Variants in ZNF366 observed in about 807,000 individuals in gnomAD.
ZNF366 encodes the protein zinc finger protein 366, also known as dendritic cell-specific transcript protein.
Under a neutral mutation model 47.2 loss-of-function variants are expected in ZNF366, and 20 were observed. The ratio of observed to expected loss-of-function variants is 0.42; its 90% CI spans 0.30 to 0.62. The LOEUF is 0.62. ZNF366 is among the 20% of genes least tolerant of loss of function. The probability of loss-of-function intolerance (pLI) is 0.16; values close to 1 mark genes in which losing one functional copy is unlikely to be tolerated. For synonymous variants in ZNF366, 421 were observed against 395.1 expected, an observed-to-expected ratio of 1.07 and a Z score of -0.78; for missense variants, 987 against 976.3, an observed-to-expected ratio of 1.01 and a Z score of -0.15.
chr5:72,504,417 C>T (rs973066558), intron 1 of ZNF366, among the ~76,000 whole-genome samples: 1 of 152,142 alleles, frequency 6.6e-6, no homozygotes. Flanking sequence ...TCTCTTTGCA[C>T]GTTCATCTAA....
At chr5:72,496,599 G>C (rs1182344455) in intron 1 of ZNF366, among the ~76,000 whole-genome samples, 1 of 152,130 alleles carries the variant, frequency 6.6e-6, no homozygotes, top group Non-Finnish European at 1.5e-5. Context: ...AGTGAACATT[G>C]CGTGCAAGTC....
At position 72,444,214 on chromosome 5, in the gene ZNF366, G is replaced by A. The variant is rs560006283; in HGVS notation, c.1777C>T (p.Leu593Phe). Residue 593 changes from leucine to phenylalanine, a missense_variant, in exon 5 of 5, where the codon CTC becomes TTC. Physicochemically the swap from Leu to Phe is conservative, Grantham distance 22 (BLOSUM62 0). Coordinates refer to ENST00000318442, the MANE Select transcript of ZNF366 (RefSeq NM_152625.3). Reference sequence around the variant, plus strand: ...ACCTTGGCCCGGCGCTTCTGAGAGAGGTCAAAGGGCTCCTCCTGCTCCAGA... The same window carrying A: ...ACCTTGGCCCGGCGCTTCTGAGAGAAGTCAAAGGGCTCCTCCTGCTCCAGA... ...RSLEQEEPFD[L>F]SQKRRAKVPV... The A allele has an allele frequency of 3.3e-5, 53 of 1,613,492 alleles. 2 individuals are homozygous for A. The South Asian group carries it at 4.6e-4, about 14-fold the overall frequency.
intron 3 of ZNF366, among the ~76,000 whole-genome samples, chr5:72,450,020 C>T (rs115656978): frequency 6.6e-6 from 1 of 152,012 alleles, no homozygotes; most frequent in Non-Finnish European, 1.5e-5. Flanking sequence ...GCACTTGGCT[C>T]GCATGATGAG....
At chr5:72,483,419 G>A (rs1743827632) in intron 1 of ZNF366, among the ~76,000 whole-genome samples, 1 of 152,084 alleles carries the variant, frequency 6.6e-6, no homozygotes, top group South Asian at 2.1e-4. Flanking sequence ...GTGGGTCCCA[G>A]ATGCTGGCTT....
At chr5:72,453,285 A>C (rs1743112729) in intron 3 of ZNF366, among the ~76,000 whole-genome samples, 1 of 152,210 alleles carries the variant, frequency 6.6e-6, no homozygotes, top group Admixed American at 6.5e-5. Context: ...TTTTGGGTAA[A>C]GGAGAGAGAA....
intron 3 of ZNF366, among the ~76,000 whole-genome samples, chr5:72,455,758 C>A (rs768311628): frequency 1.3e-5 from 2 of 152,198 alleles, no homozygotes; most frequent in Non-Finnish European, 2.9e-5. Flanking sequence ...ATGCTCCATC[C>A]CTGTGCTACA....
intron 1 of ZNF366, among the ~76,000 whole-genome samples, chr5:72,465,830 T>C (rs2112332794): frequency 6.6e-6 from 1 of 152,324 alleles, no homozygotes; most frequent in South Asian, 2.1e-4. Context: ...AAGTCTAGGT[T>C]TGAATGTTGG....
At chr5:72,444,986 T>C (rs1294418714) in intron 4 of ZNF366, among the ~76,000 whole-genome samples, 3 of 152,210 alleles carry the variant, frequency 2.0e-5, no homozygotes, top group African/African-American at 7.2e-5. Flanking sequence ...ATAAAGCCAT[T>C]TTCATCTTGA....
chr5:72,491,051 T>C (rs1409928596), intron 1 of ZNF366, among the ~76,000 whole-genome samples: 1 of 151,730 alleles, frequency 6.6e-6, no homozygotes, highest in Non-Finnish European at 1.5e-5. Context: ...AGTCACTGGA[T>C]TTAATGGAGT....
In ZNF366 at chr5:72,460,164, C is replaced by A; in HGVS notation, c.1332+1G>T. On this transcript the variant is annotated splice_donor_variant, in intron 2 of 4. Transcript: ENST00000318442. LOFTEE classifies it high-confidence loss of function. ...CCGCCCCACCAGAGGCCCCGCAGTA[C>A]CTTGTGGGTGAGGGAGTGCTGCTTG... The A allele has an allele frequency of 6.2e-7, 1 of 1,613,636 alleles. No homozygotes were observed. Among genetic ancestry groups the A allele is most frequent in the Non-Finnish European group, 8.5e-7 (1 of 1,179,688 alleles).
chr5:72,482,574 T>A (rs1457712039), intron 1 of ZNF366, among the ~76,000 whole-genome samples: 1 of 152,182 alleles, frequency 6.6e-6, no homozygotes, highest in Non-Finnish European at 1.5e-5. Context: ...CAGATTATCA[T>A]CATGTTAATG....
At chr5:72,453,177 T>G (rs541274053) in intron 3 of ZNF366, among the ~76,000 whole-genome samples, 5 of 152,312 alleles carry the variant, frequency 3.3e-5, no homozygotes, top group Admixed American at 6.5e-5. Context: ...CAGTTCATAT[T>G]GAGACAGGAG....
rs765000106 is a variant in ZNF366 at position 72,461,188 on chromosome 5, C to A, written c.309G>T (p.Glu103Asp). 2.5e-6 allele frequency: 4 copies of A among 1,614,134 alleles called. No homozygotes were observed. Among genetic ancestry groups the A allele is most frequent in the Non-Finnish European group, 3.4e-6 (4 of 1,180,020 alleles). The change falls in exon 2 of 5, where the codon GAG (glutamate) becomes GAT (aspartate). Residue 103 changes from glutamate to aspartate, a missense_variant. Physicochemically the swap from Glu to Asp is conservative, Grantham distance 45 (BLOSUM62 2). This residue lies in a region of ZNF366 where 591 missense variants were observed against 560.9 expected (regional missense o/e 1.05). Coordinates refer to ENST00000318442, the MANE Select transcript of ZNF366 (RefSeq NM_152625.3). ...EEVTLALHSE[E>D]NKNHGLPNLP... is the part of the protein sequence containing the mutation. ...GGTTGGGAAGGCCGTGGTTTTTGTT[C>A]TCCTCTGAGTGGAGGGCGAGGGTGA...
chr5:72,460,848 C>A lies in ZNF366; in HGVS notation c.649G>T (p.Ala217Ser). The part of the protein sequence containing the change: ...QPPEPLLPRK[A>S]EPQESEETKQ... ...GTCTCCTCGCTCTCCTGGGGCTCGG[C>A]TTTCCGGGGCAGCAGAGGTTCCGGG... is the stretch of plus-strand genomic sequence containing the variant. Residue 217 changes from alanine to serine, a missense_variant, in exon 2 of 5, where the codon GCC becomes TCC. Around this residue, in one of 3 missense-constraint regions of ZNF366, gnomAD observed 591 missense variants for 560.9 expected, o/e 1.05. Transcript: ENST00000318442. 6.2e-7 allele frequency: 1 copy of A among 1,614,072 alleles called. No individual in the cohort carries two copies. The highest frequency in any genetic ancestry group is 8.5e-7 in the Non-Finnish European group (1 of 1,179,994).
At chr5:72,458,445 T>C (rs1743234743) in intron 2 of ZNF366, among the ~76,000 whole-genome samples, 1 of 152,208 alleles carries the variant, frequency 6.6e-6, no homozygotes. Flanking sequence ...AAAGTAAGAT[T>C]CACCTGTGGG....
intron 4 of ZNF366, 133 bp downstream of exon 4, chr5:72,447,110 T>G: frequency 1.0e-6 from 1 of 996,140 alleles, no homozygotes; most frequent in Non-Finnish European, 1.5e-6. Flanking sequence ...CTAGTAACAT[T>G]ATAAGGTTAC....
At chr5:72,463,661 C>A (rs1743376307) in intron 1 of ZNF366, among the ~76,000 whole-genome samples, 1 of 152,110 alleles carries the variant, frequency 6.6e-6, no homozygotes, top group African/African-American at 2.4e-5. Flanking sequence ...TTTATGAGAC[C>A]CGGAGGGGTG....
intron 3 of ZNF366, among the ~76,000 whole-genome samples, chr5:72,451,810 A>G (rs1743076052): frequency 6.6e-6 from 1 of 152,212 alleles, no homozygotes; most frequent in East Asian, 1.9e-4. Flanking sequence ...GGGCTGGGAG[A>G]GGGCCGAGTT....
At chr5:72,463,893 C>T (rs920109173) in intron 1 of ZNF366, among the ~76,000 whole-genome samples, 5 of 152,162 alleles carry the variant, frequency 3.3e-5, no homozygotes, top group Non-Finnish European at 2.9e-5. Context: ...CAAGACTAAA[C>T]GTGTCCTGCT....
Sources: allele counts gnomAD v4.1 joint callset (sites outside exome capture counted in the v4.1 genomes callset), GRCh38; gene constraint gnomAD v4.1.1; regional missense constraint gnomAD v4.1.1; transcripts MANE v1.5; gene names NCBI Gene and HGNC (gene_info 2026-07-23, HGNC 2026-07-21).